KIDINS220: variants seen among roughly 807,000 people sequenced by gnomAD.
KIDINS220 encodes the protein kinase D-interacting substrate of 220 kDa.
A neutral mutation model predicts 157.6 loss-of-function variants in KIDINS220; 63 were observed. The ratio of observed to expected loss-of-function variants is 0.40; its 90% CI spans 0.33 to 0.49. The LOEUF is 0.49. Among genes scored for constraint, KIDINS220 ranks in the 20% least tolerant of loss-of-function variants. The pLI is 0.66. For missense variants in KIDINS220, 1,772 were observed against 2,171.2 expected (o/e 0.82, Z 3.65); for synonymous variants, 732 against 783.6 (o/e 0.93, Z 1.10).
chr2:8,835,301 C>A (rs1418632122), intron 1 of KIDINS220, among the ~76,000 whole-genome samples: 1 of 152,144 alleles, frequency 6.6e-6, no homozygotes, highest in Non-Finnish European at 1.5e-5. Context: ...GGACTTTGCC[C>A]ACCCACAGCC....
At chr2:8,808,264 T>C (rs897723308) in intron 6 of KIDINS220, among the ~76,000 whole-genome samples, 1 of 152,252 alleles carries the variant, frequency 6.6e-6, no homozygotes, top group Admixed American at 6.5e-5. Flanking sequence ...AAAATGCCTT[T>C]CCTAACTTTA....
At chr2:8,749,993 C>A in intron 24 of KIDINS220, 119 bp downstream of exon 24, 1 of 758,390 alleles carries the variant, frequency 1.3e-6, no homozygotes, top group Middle Eastern at 3.4e-4. Context: ...TCAAACTTTA[C>A]ATTTTTCCTA....
chr2:8,734,660 T>C lies in KIDINS220; in HGVS notation c.3811A>G (p.Ser1271Gly). ...CAATGTTACAAATATCTTACTGTGC[T>C]TCTGAAAAGGTGCCAGTCTCCAAAA... is the stretch of plus-strand genomic sequence containing the variant. ...MNFGDWHLFR[S>G]TVLEMRNAES... is the part of the protein sequence containing the mutation. The change falls in exon 28 of 30, where the codon AGC (serine) becomes GGC (glycine). Residue 1271 changes from serine to glycine, a missense_variant. Ser to Gly is a moderately conservative substitution (Grantham distance 56). Transcript: ENST00000256707. 1.3e-6 allele frequency: 2 copies of C among 1,595,670 alleles called. No homozygotes were observed. The highest frequency in any genetic ancestry group is 1.7e-6 in the Non-Finnish European group (2 of 1,164,160).
In KIDINS220 at chr2:8,806,296, C is replaced by A. The variant is rs759436793; in HGVS notation, c.578G>T (p.Gly193Val). The change falls in exon 7 of 30, where the codon GGA becomes GTA. Residue 193 changes from glycine (G) to valine (V), a missense_variant. Gly to Val is a moderately radical substitution (Grantham distance 109). Around this residue, in one of 3 missense-constraint regions of KIDINS220, gnomAD observed 254 missense variants for 268.6 expected, o/e 0.95. Coordinates refer to ENST00000256707, the MANE Select transcript of KIDINS220 (RefSeq NM_020738.4). ...AGCTCCTTCTTGATCCACATCAGCTCCCATGGCCAATAAATGTTTCACACA... is the reference window on the plus strand; with the variant it reads ...AGCTCCTTCTTGATCCACATCAGCTACCATGGCCAATAAATGTTTCACACA... Reference protein sequence around the residue: ...LECVKHLLAMGADVDQEGANS... With the variant: ...LECVKHLLAMVADVDQEGANS... 5.6e-6 allele frequency: 9 copies of A among 1,610,864 alleles called. No homozygotes were observed. The highest frequency in any genetic ancestry group is 7.6e-6 in the Non-Finnish European group (9 of 1,178,116).
rs747118699 is a variant in KIDINS220, at chr2:8,813,217, A to AT, written c.405+19dup. Reference sequence around the variant, plus strand: ...AACTTACCACTTATAATACAAACAAATTTTTTTGTTAATGCTTACCAGACC... The same window carrying AT: ...AACTTACCACTTATAATACAAACAAATTTTTTTTGTTAATGCTTACCAGACC... On this transcript the variant is annotated intron_variant, in intron 5 of 29. Transcript: ENST00000256707. The AT allele has an allele frequency of 2.5e-6, 4 of 1,578,890 alleles. No individual in the cohort carries two copies. Among genetic ancestry groups the AT allele is most frequent in the Non-Finnish European group, 3.5e-6 (4 of 1,159,282 alleles).
intron 10 of KIDINS220, among the ~76,000 whole-genome samples, chr2:8,797,874 G>A (rs1181825979): frequency 6.6e-6 from 1 of 152,186 alleles, no homozygotes; most frequent in Non-Finnish European, 1.5e-5. Flanking sequence ...TGGAACTCCT[G>A]AGCACACGCC....
intron 22 of KIDINS220, among the ~76,000 whole-genome samples, chr2:8,756,606 A>G (rs536900748): frequency 3.3e-4 from 50 of 152,342 alleles, no homozygotes; most frequent in Middle Eastern, 6.8e-3. Context: ...TCAAAGTGCC[A>G]GATGGTCAGG....
At chr2:8,831,271 G>A (rs1679578213) in intron 1 of KIDINS220, among the ~76,000 whole-genome samples, 1 of 152,004 alleles carries the variant, frequency 6.6e-6, no homozygotes, top group African/African-American at 2.4e-5. Context: ...TCACAATCTG[G>A]CCCCATCTTA....
rs959541105 is a variant in KIDINS220 at position 8,734,735 on chromosome 2, C to T, written c.3736G>A (p.Val1246Met). Residue 1246 changes from valine to methionine, a missense_variant, in exon 28 of 30, where the codon GTG becomes ATG. Physicochemically the swap from Val to Met is conservative, Grantham distance 21. Around this residue, in one of 3 missense-constraint regions of KIDINS220, gnomAD observed 793 missense variants for 885.5 expected, o/e 0.90. Transcript: ENST00000256707. ...TCATCAATGTTACACTGAGCTAACA[C>T]ACGGCCATTTATGTTTGCCTGAGTA... ...TIKKANINGR[V>M]LAQCNIDELK... 6.2e-7 allele frequency: 1 copy of T among 1,612,204 alleles called. No individual in the cohort carries two copies.
intron 12 of KIDINS220, among the ~76,000 whole-genome samples, chr2:8,792,591 CTTATT>C (rs895958830): frequency 2.6e-4 from 40 of 152,130 alleles, no homozygotes; most frequent in African/African-American, 8.0e-4. Context: ...ATTTTCTTTT[CTTATT>C]TATCTGATTA....
At chr2:8,781,585 A>C (rs1376940070) in intron 17 of KIDINS220, among the ~76,000 whole-genome samples, 1 of 152,240 alleles carries the variant, frequency 6.6e-6, no homozygotes, top group Non-Finnish European at 1.5e-5. Flanking sequence ...CCTCAGTGGA[A>C]TTAAACTAGA....
Position 8,791,133 on chromosome 2 carries a change from C to A in KIDINS220, c.1368G>T (p.Met456Ile). 6.2e-7 allele frequency: 1 copy of A among 1,614,118 alleles called. No homozygotes were observed. Among genetic ancestry groups the A allele is most frequent in the Non-Finnish European group, 8.5e-7 (1 of 1,179,948 alleles). ...ALADILSEPTMQPPICVGLYA... is the reference protein window; with the variant it reads ...ALADILSEPTIQPPICVGLYA... ...ATAACCCCACACAAATGGGTGGCTG[C>A]ATGGTAGGCTCACTGAGAATATCTG... The change falls in exon 13 of 30, where the codon ATG (methionine) becomes ATT (isoleucine). Residue 456 changes from methionine (M) to isoleucine (I), a missense_variant. Physicochemically the swap from Met to Ile is conservative, Grantham distance 10. This residue lies in a region of KIDINS220 where 725 missense variants were observed against 1,017.1 expected (regional missense o/e 0.71). Transcript: ENST00000256707.
In KIDINS220 at chr2:8,728,932, C is replaced by CT. The variant is rs1249264622; in HGVS notation, c.*1787_*1788insA. The CT allele has an allele frequency of 2.0e-6, 2 of 978,138 alleles. No homozygotes were observed. The highest frequency in any genetic ancestry group is 3.5e-5 in the African/African-American group (2 of 57,056). The allele number at this position is 978,138 out of a possible 1,614,324, so 60.6% of individuals were successfully genotyped here. ...AATAAAAATTCATGAGTCAGAATAGCATGCAATTTTTTATTGTTTTCTAAA... is the reference window on the plus strand; with the variant it reads ...AATAAAAATTCATGAGTCAGAATAGCTATGCAATTTTTTATTGTTTTCTAAA... On this transcript the variant is annotated 3_prime_UTR_variant, in exon 30 of 30. Coordinates refer to ENST00000256707, the MANE Select transcript of KIDINS220 (RefSeq NM_020738.4).
chr2:8,734,565 A>G lies in KIDINS220; in HGVS notation c.3816+90T>C, dbSNP rs1572417318. ...AAAATACCAGTTTAGGCCAGTACTT[A>G]TTGATACTGGTTTTCTACAATGTTA... is the stretch of plus-strand genomic sequence containing the variant. On this transcript the variant is annotated intron_variant, in intron 28 of 29. Coordinates refer to ENST00000256707, the MANE Select transcript of KIDINS220 (RefSeq NM_020738.4). The G allele has an allele frequency of 1.6e-5, 15 of 926,748 alleles. No homozygotes were observed. In the East Asian group the frequency reaches 3.7e-4, roughly 23 times the overall value. 57.4% of individuals were successfully genotyped at this position (926,748 alleles called of 1,614,324 possible). A position where few individuals can be genotyped will look rare whatever the true frequency, so the allele number is the denominator to read the frequency against.
chr2:8,800,522 A>T, intron 8 of KIDINS220, 24 bp from the exon 9 acceptor site: 1 of 1,494,086 alleles, frequency 6.7e-7, no homozygotes, highest in Non-Finnish European at 9.2e-7. Flanking sequence ...AAATAAAAAC[A>T]AAAACAAGGT....
At chr2:8,824,594 C>T (rs139645745) in intron 2 of KIDINS220, among the ~76,000 whole-genome samples, 63 of 152,220 alleles carry the variant, frequency 4.1e-4, no homozygotes, top group Non-Finnish European at 7.8e-4. Flanking sequence ...GCAGGAGGAT[C>T]GCTTGAGCCT....
intron 22 of KIDINS220, chr2:8,757,538 A>G: frequency 6.8e-7 from 1 of 1,460,934 alleles, no homozygotes; most frequent in South Asian, 1.4e-5. Flanking sequence ...TGTTTCAACT[A>G]CCCATTCCGT....
In KIDINS220 at chr2:8,730,642, T is replaced by C; in HGVS notation, c.*78A>G. 1.3e-6 allele frequency: 2 copies of C among 1,509,448 alleles called. No homozygotes were observed. Among genetic ancestry groups the C allele is most frequent in the African/African-American group, 1.4e-5 (1 of 72,108 alleles). The allele number at this position is 1,509,448 out of a possible 1,614,324, so 93.5% of individuals were successfully genotyped here. On this transcript the variant is annotated 3_prime_UTR_variant, in exon 30 of 30. Coordinates refer to ENST00000256707, the MANE Select transcript of KIDINS220 (RefSeq NM_020738.4). ...CTGTCAGCAAAATGTAGAAAGGTGA[T>C]GGGCGTGGATGGAGTCAAAATCCAG...
At chr2:8,726,229 T>G (rs1663295879), downstream of KIDINS220, among the ~76,000 whole-genome samples, 9 of 152,328 alleles carry the variant, frequency 5.9e-5, no homozygotes, top group Admixed American at 5.9e-4. Context: ...GGAATTCAGA[T>G]CTGCCCATCC....
Sources: gnomAD v4.1 joint callset for allele counts (sites outside exome capture counted in the v4.1 genomes callset) on GRCh38, gnomAD v4.1.1 for gene constraint, gnomAD v4.1.1 regional missense constraint, MANE v1.5 for transcripts, NCBI Gene and HGNC (gene_info 2026-07-23, HGNC 2026-07-21) for gene names.